DOCK1: variants seen among roughly 807,000 people sequenced by gnomAD.
DOCK1 encodes dedicator of cytokinesis 1.
In DOCK1, 138 loss-of-function variants were observed where a neutral mutation model predicts 262.7. The ratio of observed to expected loss-of-function variants is 0.53; its 90% CI spans 0.46 to 0.61. The LOEUF is 0.61. Among genes scored for constraint, DOCK1 ranks in the 20% least tolerant of loss-of-function variants. The pLI is 0.00. For missense variants in DOCK1, 1,908 were observed against 2,370.7 expected (o/e 0.80, Z 4.05); for synonymous variants, 866 against 867.4 (o/e 1.00, Z 0.03).
At position 127,117,494 on chromosome 10, in the gene DOCK1, A is replaced by G. The variant is rs143355362; in HGVS notation, c.2623+7140A>G. 1.9e-3 allele frequency among the ~76,000 whole-genome samples: 291 copies of G among 152,390 alleles called. 1 individual carries two copies. The highest frequency in any genetic ancestry group is 6.5e-3 in the African/African-American group (271 of 41,594). On this transcript the variant is annotated intron_variant, in intron 25 of 51. Coordinates refer to ENST00000623213, the MANE Select transcript of DOCK1 (RefSeq NM_001290223.2). ...TACAAATAAGTGAATAAATAAACATACAAATAAATTAAATGTATAAAGTAT... is the reference window on the plus strand; with the variant it reads ...TACAAATAAGTGAATAAATAAACATGCAAATAAATTAAATGTATAAAGTAT...
intron 29 of DOCK1, among the ~76,000 whole-genome samples, chr10:127,307,741 G>T (rs1051888675): frequency 6.6e-6 from 1 of 152,188 alleles, no homozygotes; most frequent in East Asian, 1.9e-4. Context: ...GCACATCCTG[G>T]TGTGAACGCC....
intron 21 of DOCK1, among the ~76,000 whole-genome samples, chr10:127,045,409 A>G (rs2044282533): frequency 6.6e-6 from 1 of 152,046 alleles, no homozygotes; most frequent in Admixed American, 6.6e-5. Flanking sequence ...TGACCACATC[A>G]TGGAAGGTCG....
At chr10:127,338,975 G>A (rs376913991) in intron 29 of DOCK1, 31 bp from the exon 30 acceptor site, 1 of 1,545,108 alleles carries the variant, frequency 6.5e-7, no homozygotes, top group Non-Finnish European at 8.8e-7. Flanking sequence ...GCGTAAGTGT[G>A]TAATTATGTA....
chr10:127,169,728 A>G (rs1282083976), intron 27 of DOCK1, among the ~76,000 whole-genome samples: 1 of 152,180 alleles, frequency 6.6e-6, no homozygotes, highest in African/African-American at 2.4e-5. Context: ...GACCTCTGCC[A>G]TGTAGGAGCT....
intron 35 of DOCK1, among the ~76,000 whole-genome samples, chr10:127,375,139 A>T (rs1194623632): frequency 6.6e-6 from 1 of 152,160 alleles, no homozygotes; most frequent in African/African-American, 2.4e-5. Flanking sequence ...AATCCAGGAA[A>T]TCCATTAGTA....
chr10:127,103,543 C>T (rs771036476), intron 23 of DOCK1, among the ~76,000 whole-genome samples: 64 of 152,126 alleles, frequency 4.2e-4, no homozygotes, highest in Admixed American at 3.3e-3. Flanking sequence ...AGCAGTTTCC[C>T]TGGAATTCAG....
intron 1 of DOCK1, among the ~76,000 whole-genome samples, chr10:126,913,726 A>G (rs2032142645): frequency 1.3e-5 from 2 of 152,170 alleles, no homozygotes; most frequent in Non-Finnish European, 2.9e-5. Flanking sequence ...TTCACCCCAG[A>G]CAGATGTCTG....
intron 27 of DOCK1, among the ~76,000 whole-genome samples, chr10:127,149,408 T>C (rs577305775): frequency 6.6e-6 from 1 of 152,326 alleles, no homozygotes; most frequent in South Asian, 2.1e-4. Flanking sequence ...TTGATGCTTT[T>C]CCCTAGTCCT....
chr10:127,142,594 G>A (rs904511045), intron 27 of DOCK1, among the ~76,000 whole-genome samples: 24 of 152,174 alleles, frequency 1.6e-4, no homozygotes, highest in African/African-American at 5.8e-4. Flanking sequence ...TCAAACACAG[G>A]CTGTAGATTT....
intron 23 of DOCK1, among the ~76,000 whole-genome samples, chr10:127,072,062 T>A (rs2046263822): frequency 6.6e-6 from 1 of 152,160 alleles, no homozygotes; most frequent in Non-Finnish European, 1.5e-5. Context: ...TCTTGTTAGG[T>A]GCTCCTCCCA....
At chr10:127,004,020 C>A (rs1002270100) in intron 10 of DOCK1, among the ~76,000 whole-genome samples, 1 of 151,478 alleles carries the variant, frequency 6.6e-6, no homozygotes, top group Non-Finnish European at 1.5e-5. Context: ...TTTAGGAGGC[C>A]GAGGCAGGCA....
chr10:126,917,797 T>G (rs2032677687), intron 1 of DOCK1, among the ~76,000 whole-genome samples: 1 of 152,000 alleles, frequency 6.6e-6, no homozygotes, highest in African/African-American at 2.4e-5. Context: ...GGAGGAGATG[T>G]GAGGACTAAG....
Position 127,012,440 on chromosome 10 carries a change from G to T in DOCK1, c.1201+66G>T. 1 of 1,463,602 alleles carries T rather than the reference G, an allele frequency of 6.8e-7. No homozygotes were observed. The highest frequency in any genetic ancestry group is 1.2e-5 in the South Asian group (1 of 83,660). 90.7% of individuals were successfully genotyped at this position (1,463,602 alleles called of 1,614,324 possible). ...CATGCGTTGGGGCAGTGCTGTCTGG[G>T]TTGGTTTTAGTTTGATGTTGATCAT... On this transcript the variant is annotated intron_variant, in intron 12 of 51. Coordinates refer to ENST00000623213, the MANE Select transcript of DOCK1 (RefSeq NM_001290223.2). The surrounding 1 kb of genome is among the most constrained non-coding windows in gnomAD (Gnocchi z 4.0).
rs571738455 is a variant in DOCK1 at position 127,324,629 on chromosome 10, G to T, written c.3045-14377G>T. 2.0e-3 allele frequency among the ~76,000 whole-genome samples: 300 copies of T among 151,840 alleles called. 2 individuals are homozygous for T. Among genetic ancestry groups the T allele is most frequent in the African/African-American group, 7.0e-3 (287 of 41,266 alleles). ...CAATATTTCGGTTTTTTTTTTAAAA[G>T]ATACTGTGAGTTGGTCATCACTAGA... On this transcript the variant is annotated intron_variant, in intron 29 of 51. Transcript: ENST00000623213.
At chr10:127,211,117 G>A (rs1002870870) in intron 27 of DOCK1, among the ~76,000 whole-genome samples, 2 of 152,126 alleles carry the variant, frequency 1.3e-5, no homozygotes, top group Non-Finnish European at 2.9e-5. Context: ...TACTCATCTT[G>A]TGGAAGTGAA....
intron 1 of DOCK1, among the ~76,000 whole-genome samples, chr10:126,948,871 G>T (rs962868841): frequency 2.8e-4 from 42 of 152,188 alleles, no homozygotes; most frequent in African/African-American, 1.0e-3. Flanking sequence ...TATGTGTGCT[G>T]GGCCTGGCCC....
chr10:127,126,100 T>C (rs200294262), intron 26 of DOCK1, among the ~76,000 whole-genome samples: 1 of 124,110 alleles, frequency 8.1e-6, no homozygotes, highest in African/African-American at 2.9e-5. Flanking sequence ...TTTTTTTTTT[T>C]CTTTTTTCTT....
At chr10:126,955,178 G>A (rs1456266733) in intron 1 of DOCK1, among the ~76,000 whole-genome samples, 2 of 152,166 alleles carry the variant, frequency 1.3e-5, no homozygotes, top group Non-Finnish European at 2.9e-5. Flanking sequence ...CCAGGCTAGA[G>A]TCAGTGGTGC....
intron 46 of DOCK1, among the ~76,000 whole-genome samples, chr10:127,424,305 G>A (rs55742820): frequency 0.047 from 7,108 of 152,216 alleles, 177 homozygotes; most frequent in Non-Finnish European, 0.068. Flanking sequence ...CAGCACAAGC[G>A]TCCTAAACCA....
Sources: gnomAD v4.1 joint callset for allele counts (sites outside exome capture counted in the v4.1 genomes callset) on GRCh38, gnomAD v4.1.1 for gene constraint, Gnocchi (gnomAD v3.1) non-coding constraint, MANE v1.5 for transcripts, NCBI Gene and HGNC (gene_info 2026-07-23, HGNC 2026-07-21) for gene names.